FMN1: variants seen among roughly 807,000 people sequenced by gnomAD.
The protein encoded by FMN1 is formin 1, also known as formin-1.
Under a neutral mutation model 132.4 loss-of-function variants are expected in FMN1, and 110 were observed. The ratio of observed to expected loss-of-function variants is 0.83; its 90% CI spans 0.71 to 0.97. FMN1 has a LOEUF of 0.97. FMN1 is among the 50% of genes least tolerant of loss of function. The pLI, the probability that FMN1 is intolerant of heterozygous loss-of-function variation, is 0.00. For missense variants in FMN1, 1,792 were observed against 1,705.3 expected, an observed-to-expected ratio of 1.05 and a Z score of -0.90; for synonymous variants, 722 against 651.7, an observed-to-expected ratio of 1.11 and a Z score of -1.64.
At chr15:33,006,648 T>G (rs528751557) in intron 7 of FMN1, among the ~76,000 whole-genome samples, 2 of 152,232 alleles carry the variant, frequency 1.3e-5, no homozygotes, top group Non-Finnish European at 2.9e-5. Flanking sequence ...TGAGTGTCCA[T>G]CAATGGACAA....
intron 4 of FMN1, among the ~76,000 whole-genome samples, chr15:33,141,678 C>G (rs890237222): frequency 6.6e-5 from 10 of 152,206 alleles, no homozygotes; most frequent in African/African-American, 2.4e-4. Flanking sequence ...CTTCCGTACT[C>G]TCACACACAG....
At chr15:33,185,182 A>G (rs1013080194) in intron 2 of FMN1, among the ~76,000 whole-genome samples, 1 of 152,228 alleles carries the variant, frequency 6.6e-6, no homozygotes, top group Non-Finnish European at 1.5e-5. Context: ...TAAGAATAAT[A>G]ATTTAAAATA....
intron 9 of FMN1, among the ~76,000 whole-genome samples, chr15:32,928,928 CA>C (rs1454962409): frequency 6.6e-6 from 1 of 152,142 alleles, no homozygotes. Flanking sequence ...AGTAAAAGAG[CA>C]AGAAAGATAT....
At chr15:32,783,756 A>C (rs2056753340) in intron 19 of FMN1, among the ~76,000 whole-genome samples, 1 of 71,004 alleles carries the variant, frequency 1.4e-5, no homozygotes, top group Non-Finnish European at 3.0e-5. Flanking sequence ...AAAAAAAAAA[A>C]AAAAAAAAAA....
chr15:33,037,391 C>T (rs1596525391), intron 6 of FMN1, among the ~76,000 whole-genome samples: 1 of 152,022 alleles, frequency 6.6e-6, no homozygotes, highest in Non-Finnish European at 1.5e-5. Context: ...GGAAGGAATA[C>T]AAAATTTTGT....
At chr15:33,111,499 A>C (rs2039703038) in intron 4 of FMN1, among the ~76,000 whole-genome samples, 1 of 152,210 alleles carries the variant, frequency 6.6e-6, no homozygotes, top group Non-Finnish European at 1.5e-5. Context: ...GAAATATAAA[A>C]GCACATGTCC....
chr15:32,964,409 C>T (rs536097577), intron 8 of FMN1, among the ~76,000 whole-genome samples, 152 bp from the exon 9 acceptor site: 13 of 152,262 alleles, frequency 8.5e-5, no homozygotes, highest in African/African-American at 2.4e-4. Context: ...TTTTATGTTA[C>T]GCATTTGTTA....
chr15:33,161,635 A>C (rs1964893316), intron 3 of FMN1, among the ~76,000 whole-genome samples: 1 of 152,090 alleles, frequency 6.6e-6, no homozygotes, highest in African/African-American at 2.4e-5. Flanking sequence ...AAAACAAAGG[A>C]AGGCTGGGCG....
chr15:33,005,198 T>TAA (rs397800658), intron 7 of FMN1, among the ~76,000 whole-genome samples: 3 of 143,906 alleles, frequency 2.1e-5, no homozygotes, highest in African/African-American at 5.0e-5. Context: ...ATAATAATAT[T>TAA]AAAAAAAAAA....
chr15:33,127,192 T>C (rs1045048700), intron 4 of FMN1, among the ~76,000 whole-genome samples: 2 of 152,244 alleles, frequency 1.3e-5, no homozygotes, highest in Admixed American at 6.5e-5. Flanking sequence ...GCCAGATCTG[T>C]TTCTCCTCAA....
intron 14 of FMN1, among the ~76,000 whole-genome samples, chr15:32,899,430 C>T (rs755273370): frequency 1.3e-5 from 2 of 152,182 alleles, no homozygotes; most frequent in Non-Finnish European, 2.9e-5. Context: ...TGTGTGTTTC[C>T]CCTCCCTGCA....
chr15:33,001,842 T>C (rs2034138508), intron 7 of FMN1, among the ~76,000 whole-genome samples: 1 of 151,828 alleles, frequency 6.6e-6, no homozygotes. Flanking sequence ...TTGTGCCCTT[T>C]CCATACTGCA....
intron 17 of FMN1, among the ~76,000 whole-genome samples, chr15:32,831,744 CTT>C (rs200268378): frequency 2.2e-4 from 31 of 141,242 alleles, no homozygotes; most frequent in East Asian, 4.1e-4. Context: ...AGAATGCAGC[CTT>C]TTTTTTTTTT....
intron 16 of FMN1, among the ~76,000 whole-genome samples, chr15:32,868,303 TTACAG>T (rs1157911245): frequency 2.6e-5 from 4 of 152,228 alleles, no homozygotes; most frequent in Non-Finnish European, 4.4e-5. Context: ...CTGAATACAG[TTACAG>T]TATAGTACAG....
At chr15:32,899,154 CAAA>C (rs892688539) in intron 14 of FMN1, among the ~76,000 whole-genome samples, 1 of 141,334 alleles carries the variant, frequency 7.1e-6, no homozygotes, top group African/African-American at 2.7e-5. Context: ...CTAAAACAAA[CAAA>C]AAAGTTGTGT....
rs1363280160 is a variant in FMN1 at position 32,768,973 on chromosome 15, TA to T, written c.*5336del. ...AGGACACGATCCTATCAGAGAAAGG[TA>T]AGAGAGAAAAGGTCTTCTATGGCCC... On this transcript the variant is annotated 3_prime_UTR_variant, in exon 21 of 21. Transcript: ENST00000616417. 1.3e-5 allele frequency: 2 copies of T among 151,214 alleles called. No individual in the cohort carries two copies. The highest frequency in any genetic ancestry group is 4.9e-5 in the African/African-American group (2 of 41,202). 9.4% of individuals were successfully genotyped at this position (151,214 alleles called of 1,614,324 possible).
At chr15:32,946,698 A>T (rs2061518386) in intron 9 of FMN1, among the ~76,000 whole-genome samples, 1 of 152,182 alleles carries the variant, frequency 6.6e-6, no homozygotes, top group Admixed American at 6.5e-5. Flanking sequence ...TAAAACAGAA[A>T]ATGTGAAGTT....
At chr15:32,853,574 T>C (rs1026503547) in intron 17 of FMN1, among the ~76,000 whole-genome samples, 1 of 152,192 alleles carries the variant, frequency 6.6e-6, no homozygotes, top group Non-Finnish European at 1.5e-5. Flanking sequence ...ATCAGTGAAA[T>C]ATCTACGCAA....
At chr15:33,017,789 G>A (rs2035147763) in intron 6 of FMN1, among the ~76,000 whole-genome samples, 1 of 152,226 alleles carries the variant, frequency 6.6e-6, no homozygotes, top group Non-Finnish European at 1.5e-5. Context: ...GATGGGCTGG[G>A]TGCAGTGGCT....
Sources: gnomAD v4.1 joint callset for allele counts (sites outside exome capture counted in the v4.1 genomes callset) on GRCh38, gnomAD v4.1.1 for gene constraint, MANE v1.5 for transcripts, NCBI Gene and HGNC (gene_info 2026-07-23, HGNC 2026-07-21) for gene names.